RP1: variants seen among roughly 807,000 people sequenced by gnomAD.
RP1 encodes oxygen-regulated protein 1.
A neutral mutation model predicts 14.8 loss-of-function variants in RP1; 16 were observed. The observed-to-expected ratio is 1.08, with a 90% confidence interval of 0.73 to 1.65. The LOEUF (loss-of-function observed/expected upper bound fraction) is 1.65, where lower values mean the gene tolerates loss of function less well. Among genes scored for constraint, RP1 ranks in the 40% most tolerant of loss-of-function variants. RP1 has a pLI of 0.00. For synonymous variants in RP1, 876 were observed against 883.6 expected (o/e 0.99, Z 0.15); for missense variants, 2,631 against 2,535.0 (o/e 1.04, Z -0.81).
rs762793464 is a variant in RP1 at position 54,740,274 on chromosome 8, C to T, written c.2808+1245C>T. On this transcript the variant is annotated intron_variant, in intron 19 of 22. Transcript: ENST00000636932. ...AGATGACAGCTTCATGCATGTTGTTCCCCTGAATATCTTCCAATGGGTCAA... is the reference window on the plus strand; with the variant it reads ...AGATGACAGCTTCATGCATGTTGTTTCCCTGAATATCTTCCAATGGGTCAA... Among the ~76,000 whole-genome samples the T allele has an allele frequency of 3.3e-5, 5 of 150,714 alleles. No homozygotes were observed. The South Asian group carries it at 1.1e-3, about 32-fold the overall frequency.
At chr8:54,660,036 G>A (rs769743800) in intron 6 of RP1, among the ~76,000 whole-genome samples, 29 of 152,084 alleles carry the variant, frequency 1.9e-4, no homozygotes, top group South Asian at 6.2e-4. Context: ...ATATAGTAAC[G>A]CAGCTGCTTT....
chr8:54,572,146 C>T (rs1481746362), intron 1 of RP1, among the ~76,000 whole-genome samples: 1 of 152,292 alleles, frequency 6.6e-6, no homozygotes, highest in East Asian at 1.9e-4. Flanking sequence ...ATTTGTTGCT[C>T]TTTGTGAGCA....
intron 10 of RP1, chr8:54,679,504 T>A: frequency 6.5e-7 from 1 of 1,535,862 alleles, no homozygotes; most frequent in Non-Finnish European, 8.7e-7. Flanking sequence ...CGAGTAGGTA[T>A]CATGTATACA....
At chr8:54,692,753 C>T (rs1360027735) in intron 12 of RP1, among the ~76,000 whole-genome samples, 1 of 149,716 alleles carries the variant, frequency 6.7e-6, no homozygotes, top group Non-Finnish European at 1.5e-5. Context: ...AAAATTTTCT[C>T]CCATTCTGTA....
intron 22 of RP1, among the ~76,000 whole-genome samples, chr8:54,762,407 T>C (rs1484674155): frequency 2.6e-5 from 4 of 152,184 alleles, no homozygotes; most frequent in African/African-American, 9.7e-5. Context: ...TCCTTTCCTT[T>C]TTCCCTCTTC....
intron 3 of RP1, among the ~76,000 whole-genome samples, chr8:54,645,242 A>G (rs1806521601): frequency 6.6e-6 from 1 of 152,220 alleles, no homozygotes; most frequent in Non-Finnish European, 1.5e-5. Context: ...TGGGTAGTTT[A>G]CTACAATGGA....
At chr8:54,804,709 A>G (rs940471174) in intron 24 of RP1, among the ~76,000 whole-genome samples, 2 of 152,258 alleles carry the variant, frequency 1.3e-5, no homozygotes, top group Admixed American at 6.5e-5. Context: ...ACACCAATAC[A>G]TTAAATAACA....
chr8:54,852,599 C>T, exon 26 of RP1: 4 of 1,231,718 alleles, frequency 3.2e-6, no homozygotes, highest in Non-Finnish European at 4.1e-6. Context: ...TTCGCATATA[C>T]ACAGGCACAA....
At chr8:54,824,338 C>T (rs773306545) in intron 24 of RP1, among the ~76,000 whole-genome samples, 2 of 152,004 alleles carry the variant, frequency 1.3e-5, no homozygotes, top group Admixed American at 6.5e-5. Context: ...AAAAAACAAA[C>T]GAGTACAACT....
downstream of RP1, among the ~76,000 whole-genome samples, chr8:54,634,765 A>G (rs1474958193): frequency 6.6e-6 from 1 of 152,208 alleles, no homozygotes; most frequent in Non-Finnish European, 1.5e-5. Context: ...TTAGTAAACA[A>G]TTCCCATCAT....
At chr8:54,621,621 G>C in intron 2 of RP1, 40 bp downstream of exon 2, 1 of 1,613,140 alleles carries the variant, frequency 6.2e-7, no homozygotes, top group Non-Finnish European at 8.5e-7. Context: ...AGCTCATTTT[G>C]AGCACCCTAC....
At chr8:54,641,954 A>G (rs1350263060) in intron 3 of RP1, among the ~76,000 whole-genome samples, 1 of 152,174 alleles carries the variant, frequency 6.6e-6, no homozygotes, top group East Asian at 1.9e-4. Flanking sequence ...TCTCCTCACA[A>G]AGATACTATT....
At chr8:54,726,349 C>T (rs907249835) in exon 17 of RP1, 1 of 1,514,484 alleles carries the variant, frequency 6.6e-7, no homozygotes, top group Non-Finnish European at 8.8e-7. Context: ...TTTCAGTTGG[C>T]AGAGAAAACC....
At chr8:54,741,903 A>G (rs1809108273) in intron 19 of RP1, among the ~76,000 whole-genome samples, 1 of 151,326 alleles carries the variant, frequency 6.6e-6, no homozygotes, top group African/African-American at 2.4e-5. Context: ...AACATATGCC[A>G]CCTACCTTAC....
intron 3 of RP1, among the ~76,000 whole-genome samples, 194 bp from the exon 4 acceptor site, chr8:54,624,476 A>G (rs1241941588): frequency 1.3e-4 from 19 of 151,302 alleles, no homozygotes; most frequent in Admixed American, 9.9e-4. Flanking sequence ...AAGAAAAAAA[A>G]CAAAATACAT....
At position 54,624,937 on chromosome 8, in the gene RP1, C is replaced by T. The variant is rs757698020; in HGVS notation, c.1055C>T (p.Thr352Ile). 5 of 1,614,010 alleles carry T rather than the reference C, an allele frequency of 3.1e-6. No homozygotes were observed. In the East Asian group the frequency reaches 1.1e-4, roughly 36 times the overall value. The change falls in exon 4 of 4, where the codon ACT (threonine) becomes ATT (isoleucine). Residue 352 changes from threonine to isoleucine, a missense_variant. Transcript: ENST00000220676. ...GAAGAAACCATAAAATGGACAACTA[C>T]TGTCAGTAAAACTGGTCCTTCTAAT... Reference protein sequence around the residue: ...KEEETIKWTTTVSKTGPSNND... With the variant: ...KEEETIKWTTIVSKTGPSNND...
At chr8:54,860,550 C>G (rs1240960760) in intron 27 of RP1, among the ~76,000 whole-genome samples, 1 of 152,186 alleles carries the variant, frequency 6.6e-6, no homozygotes, top group Non-Finnish European at 1.5e-5. Context: ...CCCAGAGATT[C>G]TGCCTGTGTG....
At chr8:54,789,916 C>G (rs1487031653) in intron 24 of RP1, among the ~76,000 whole-genome samples, 2 of 152,188 alleles carry the variant, frequency 1.3e-5, no homozygotes, top group Non-Finnish European at 2.9e-5. Flanking sequence ...TGCAGCTAAC[C>G]CCAACTGCAG....
At chr8:54,758,779 C>G (rs1563368028) in intron 21 of RP1, 1 of 742,078 alleles carries the variant, frequency 1.3e-6, no homozygotes, top group Non-Finnish European at 2.1e-6. Flanking sequence ...CCATATTGCC[C>G]CTTTTGATGC....
Sources: allele counts gnomAD v4.1 joint callset (sites outside exome capture counted in the v4.1 genomes callset), GRCh38; gene constraint gnomAD v4.1.1; transcripts MANE v1.5; gene names NCBI Gene and HGNC (gene_info 2026-07-23, HGNC 2026-07-21).